IFT43: variants seen among roughly 807,000 people sequenced by gnomAD.
IFT43 encodes the protein intraflagellar transport 43.
Under a neutral mutation model 32.3 loss-of-function variants are expected in IFT43, and 33 were observed. The ratio of observed to expected loss-of-function variants is 1.02; its 90% CI spans 0.77 to 1.37. The LOEUF (loss-of-function observed/expected upper bound fraction) is 1.37. IFT43 is among the 40% of genes most tolerant of loss of function. The pLI, the probability that IFT43 is intolerant of heterozygous loss-of-function variation, is 0.00. For synonymous variants in IFT43, 93 were observed against 98.2 expected, an observed-to-expected ratio of 0.95 and a Z score of 0.31; for missense variants, 274 against 265.9, an observed-to-expected ratio of 1.03 and a Z score of -0.21.
intron 2 of IFT43, among the ~76,000 whole-genome samples, chr14:76,019,944 A>G (rs2036259131): frequency 6.7e-6 from 1 of 149,566 alleles, no homozygotes; most frequent in East Asian, 1.9e-4. Flanking sequence ...TGACTTTCCC[A>G]TTCAGATCAT....
chr14:76,058,624 T>C lies in IFT43; in HGVS notation c.216-18T>C. 6.3e-7 allele frequency: 1 copy of C among 1,591,006 alleles called. No individual in the cohort carries two copies. The highest frequency in any genetic ancestry group is 8.5e-7 in the Non-Finnish European group (1 of 1,171,536). On this transcript the variant is annotated intron_variant, in intron 3 of 8. Coordinates refer to ENST00000314067, the MANE Select transcript of IFT43 (RefSeq NM_001102564.3). ...TAGTGGGCTCTCAAAAACCTTGTCT[T>C]TTCTTTTTTTTTTTCAGGTTTAGGA...
intron 2 of IFT43, among the ~76,000 whole-genome samples, chr14:76,001,589 C>G (rs2035886494): frequency 6.6e-6 from 1 of 152,234 alleles, no homozygotes; most frequent in African/African-American, 2.4e-5. Context: ...TCCAACACCC[C>G]TGAGCAGGCT....
Position 76,082,379 on chromosome 14 carries a change from C to T in IFT43, c.368+12C>T, listed in dbSNP as rs1410915344. 3 of 1,532,258 alleles carry T rather than the reference C, an allele frequency of 2.0e-6. No individual in the cohort carries two copies. The highest frequency in any genetic ancestry group is 2.7e-6 in the Non-Finnish European group (3 of 1,105,222). The allele number at this position is 1,532,258 out of a possible 1,614,324, so 94.9% of individuals were successfully genotyped here. ...GCAGCCCCTCCCAGGTAGGTTAAAT[C>T]AGATATGATTGGGGAGGCAAAGAAC... On this transcript the variant is annotated intron_variant, in intron 6 of 8. Transcript: ENST00000314067.
intron 3 of IFT43, among the ~76,000 whole-genome samples, chr14:76,028,975 A>G (rs146047670): frequency 1.2e-4 from 18 of 152,274 alleles, no homozygotes; most frequent in Non-Finnish European, 2.5e-4. Flanking sequence ...GGGTATGTAT[A>G]TACCACCCAG....
intron 3 of IFT43, among the ~76,000 whole-genome samples, chr14:76,056,916 GGCTGGGGAT>G (rs2037029097): frequency 6.6e-6 from 1 of 152,206 alleles, no homozygotes; most frequent in Non-Finnish European, 1.5e-5. Flanking sequence ...AGCAACACCA[GGCTGGGGAT>G]GCCCTGGGCA....
At chr14:76,032,965 C>A (rs1383389027) in intron 3 of IFT43, among the ~76,000 whole-genome samples, 1 of 152,080 alleles carries the variant, frequency 6.6e-6, no homozygotes. Flanking sequence ...CAGGAGGGAC[C>A]TGATTTAGGA....
At chr14:75,999,245 A>AAATTCATTT (rs1391873048) in intron 2 of IFT43, among the ~76,000 whole-genome samples, 1 of 23,148 alleles carries the variant, frequency 4.3e-5, no homozygotes, top group African/African-American at 2.4e-4. Context: ...ATATATATAT[A>AAATTCATTT]TATATATATA....
chr14:76,035,517 C>A (rs550134509), intron 3 of IFT43, among the ~76,000 whole-genome samples: 1 of 152,236 alleles, frequency 6.6e-6, no homozygotes, highest in East Asian at 1.9e-4. Flanking sequence ...CTGTCCTCTC[C>A]CTTTATGTCA....
intron 3 of IFT43, among the ~76,000 whole-genome samples, chr14:76,052,421 C>T (rs770027229): frequency 3.3e-5 from 5 of 152,136 alleles, no homozygotes; most frequent in Non-Finnish European, 7.3e-5. Flanking sequence ...TGTTTTGCGG[C>T]CTCTTCCCCA....
At chr14:76,078,688 G>A (rs2037453738) in intron 5 of IFT43, among the ~76,000 whole-genome samples, 1 of 152,240 alleles carries the variant, frequency 6.6e-6, no homozygotes, top group Non-Finnish European at 1.5e-5. Context: ...TTCTGTTTAA[G>A]CATCAGAGCT....
At chr14:76,046,299 G>C (rs181587514) in intron 3 of IFT43, among the ~76,000 whole-genome samples, 2 of 152,122 alleles carry the variant, frequency 1.3e-5, no homozygotes, top group Non-Finnish European at 2.9e-5. Flanking sequence ...TTGTGAGCGG[G>C]ATAAAATGTT....
chr14:76,078,579 T>C (rs890105339), intron 5 of IFT43, among the ~76,000 whole-genome samples: 1 of 152,076 alleles, frequency 6.6e-6, no homozygotes, highest in African/African-American at 2.4e-5. Context: ...CCTCACAGCG[T>C]GGCTGACCAG....
chr14:76,065,090 C>G (rs17183901), intron 5 of IFT43, among the ~76,000 whole-genome samples: 52,940 of 152,038 alleles, frequency 0.35, 9,337 homozygotes, highest in African/African-American at 0.4. Flanking sequence ...CACCTTTAAG[C>G]TTCTCTAGGA....
rs746158153 is a variant in IFT43, at chr14:76,062,917, C to CA, written c.295+3568dup. 5.2e-3 allele frequency among the ~76,000 whole-genome samples: 374 copies of CA among 72,400 alleles called. 13 individuals are homozygous for CA. In the East Asian group the frequency reaches 0.069, roughly 13 times the overall value. The allele number at this position is 72,400 out of a possible 152,430, so 47.5% of individuals were successfully genotyped here. A position where few individuals can be genotyped will look rare whatever the true frequency, so the allele number is the denominator to read the frequency against. ...TGGGCAACAGAGTGAGATCCCATCT[C>CA]AAAAAAAAAAAAAAAAAAAAAAAAG... On this transcript the variant is annotated intron_variant, in intron 5 of 8. Coordinates refer to ENST00000314067, the MANE Select transcript of IFT43 (RefSeq NM_001102564.3).
At chr14:76,052,170 A>C (rs2036926145) in intron 3 of IFT43, among the ~76,000 whole-genome samples, 1 of 152,142 alleles carries the variant, frequency 6.6e-6, no homozygotes, top group African/African-American at 2.4e-5. Flanking sequence ...TCCCCTGCTA[A>C]AATAGGTTAA....
intron 2 of IFT43, among the ~76,000 whole-genome samples, chr14:75,998,204 TCTC>T (rs748599093): frequency 2.0e-5 from 3 of 152,232 alleles, no homozygotes; most frequent in Non-Finnish European, 2.9e-5. Flanking sequence ...AAATGGCTCT[TCTC>T]CTCCCTGGAG....
At chr14:76,054,209 C>T (rs749063729) in intron 3 of IFT43, among the ~76,000 whole-genome samples, 1 of 152,072 alleles carries the variant, frequency 6.6e-6, no homozygotes, top group Non-Finnish European at 1.5e-5. Flanking sequence ...AAAAAGCTTC[C>T]GGGAATGAGT....
At chr14:75,987,237 A>G (rs1291964250) in intron 1 of IFT43, among the ~76,000 whole-genome samples, 1 of 152,246 alleles carries the variant, frequency 6.6e-6, no homozygotes, top group Non-Finnish European at 1.5e-5. Flanking sequence ...GTGCTGTGAC[A>G]AATGGAAAAG....
chr14:76,001,454 A>G (rs996809686), intron 2 of IFT43, among the ~76,000 whole-genome samples: 4 of 152,172 alleles, frequency 2.6e-5, no homozygotes, highest in Admixed American at 2.0e-4. Context: ...CCAGGGGCCC[A>G]TGCAGGCATG....
Sources: gnomAD v4.1 joint callset for allele counts (sites outside exome capture counted in the v4.1 genomes callset) on GRCh38, gnomAD v4.1.1 for gene constraint, MANE v1.5 for transcripts, NCBI Gene and HGNC (gene_info 2026-07-23, HGNC 2026-07-21) for gene names.